Variants in NCOA2 observed in about 807,000 individuals in gnomAD.
The protein encoded by NCOA2 is nuclear receptor coactivator 2, also known as class E basic helix-loop-helix protein 75.
Under a neutral mutation model 145.1 loss-of-function variants are expected in NCOA2, and 21 were observed. That is an observed-to-expected ratio of 0.14 (90% confidence interval 0.10 to 0.21). The LOEUF (loss-of-function observed/expected upper bound fraction) is 0.21. Ranked by LOEUF, NCOA2 falls within the 10% of genes least tolerant of loss-of-function variation. NCOA2 has a pLI of 1.00. For missense variants in NCOA2, 1,472 were observed against 1,837.6 expected (o/e 0.80, Z 3.64); for synonymous variants, 619 against 637.5 (o/e 0.97, Z 0.44).
intron 4 of NCOA2, among the ~76,000 whole-genome samples, chr8:70,204,728 A>C (rs1429595821): frequency 6.6e-6 from 1 of 152,192 alleles, no homozygotes; most frequent in Admixed American, 6.5e-5. Context: ...GCGGTGGCTC[A>C]CGCCTGTAAT....
chr8:70,319,554 ATAAATAAATAAATAAAAGCTC>A (rs1474786089), intron 1 of NCOA2, among the ~76,000 whole-genome samples: 1 of 151,908 alleles, frequency 6.6e-6, no homozygotes, highest in Non-Finnish European at 1.5e-5. Flanking sequence ...AAATAAATAA[ATAAATAAATAAATAAAAGCTC>A]TATTTAGCTG....
intron 12 of NCOA2, among the ~76,000 whole-genome samples, chr8:70,145,331 C>CTTTCTTTTTTTCT (rs755821974): frequency 0.022 from 3,170 of 146,710 alleles, 136 homozygotes; most frequent in African/African-American, 0.067. Flanking sequence ...CTAATTTTTT[C>CTTTCTTTTTTTCT]TTTTTTTTTT....
At chr8:70,282,668 A>C in intron 2 of NCOA2, among the ~76,000 whole-genome samples, 1 of 151,214 alleles carries the variant, frequency 6.6e-6, no homozygotes, top group Non-Finnish European at 1.5e-5. Flanking sequence ...AGCCTGGGCA[A>C]AAAGAGCAAA....
intron 1 of NCOA2, among the ~76,000 whole-genome samples, chr8:70,351,252 G>T (rs1278888876): frequency 6.6e-6 from 1 of 152,110 alleles, no homozygotes; most frequent in Non-Finnish European, 1.5e-5. Flanking sequence ...ACCTTTATAT[G>T]AACATGATTG....
intron 2 of NCOA2, among the ~76,000 whole-genome samples, chr8:70,224,020 T>C (rs1307704938): frequency 6.6e-6 from 1 of 152,220 alleles, no homozygotes; most frequent in Non-Finnish European, 1.5e-5. Flanking sequence ...ACAGTGCATA[T>C]GTTAGAATCA....
chr8:70,252,821 T>C (rs577054053), intron 2 of NCOA2, among the ~76,000 whole-genome samples: 1 of 152,312 alleles, frequency 6.6e-6, no homozygotes, highest in East Asian at 1.9e-4. Context: ...TGTAGAGATG[T>C]TATATTCTGA....
chr8:70,384,232 T>C (rs924229997), intron 1 of NCOA2, among the ~76,000 whole-genome samples: 1 of 151,602 alleles, frequency 6.6e-6, no homozygotes, highest in Non-Finnish European at 1.5e-5. Flanking sequence ...TTTTGAAGCA[T>C]CTACTTACAG....
At chr8:70,170,878 C>T (rs1415896783) in intron 5 of NCOA2, among the ~76,000 whole-genome samples, 13 of 152,094 alleles carry the variant, frequency 8.5e-5, no homozygotes. Context: ...ACCTAGCTGT[C>T]ACGGATTATA....
intron 4 of NCOA2, among the ~76,000 whole-genome samples, chr8:70,197,070 T>G (rs1680053852): frequency 1.3e-5 from 2 of 152,208 alleles, no homozygotes. Flanking sequence ...TATGTATGAA[T>G]GCATTTACAT....
Position 70,402,797 on chromosome 8 carries a change from C to G in NCOA2, c.-77+903G>C, listed in dbSNP as rs563566336. Among the ~76,000 whole-genome samples the G allele has an allele frequency of 4.0e-5, 6 of 151,342 alleles. No homozygotes were observed. The South Asian group carries it at 1.0e-3, about 26-fold the overall frequency. ...CTCCCGCCCCCGGCCCCGGCCCCAG[C>G]GCGCCTCCTGCATACACGCCCGCAC... is the stretch of plus-strand genomic sequence containing the variant. On this transcript the variant is annotated intron_variant, in intron 1 of 22. Transcript: ENST00000452400.
chr8:70,292,811 A>G (rs1030834440), intron 2 of NCOA2, among the ~76,000 whole-genome samples: 7 of 152,218 alleles, frequency 4.6e-5, no homozygotes, highest in African/African-American at 1.7e-4. Flanking sequence ...GTTCACACTA[A>G]TGTGTGCACA....
intron 1 of NCOA2, among the ~76,000 whole-genome samples, chr8:70,319,325 T>G (rs1805861658): frequency 6.6e-6 from 1 of 152,140 alleles, no homozygotes; most frequent in African/African-American, 2.4e-5. Context: ...GCAGGTCGCT[T>G]GAGCCCAAGG....
chr8:70,126,344 T>A (rs555689570), intron 19 of NCOA2, among the ~76,000 whole-genome samples: 1 of 152,202 alleles, frequency 6.6e-6, no homozygotes, highest in African/African-American at 2.4e-5. Flanking sequence ...TCATTAATGA[T>A]CTGGTATAAT....
chr8:70,411,441 AAATT>A, the NCOA2 span, among the ~76,000 whole-genome samples: 84 of 152,374 alleles, frequency 5.5e-4, no homozygotes, highest in Admixed American at 2.6e-3. Flanking sequence ...CAATATAGAA[AAATT>A]AATTGTGTTA....
At chr8:70,393,440 T>C (rs1466400732) in intron 1 of NCOA2, among the ~76,000 whole-genome samples, 2 of 152,176 alleles carry the variant, frequency 1.3e-5, no homozygotes, top group Non-Finnish European at 2.9e-5. Flanking sequence ...TGCTGAGACT[T>C]GTCCCATCCT....
chr8:70,316,321 C>G (rs775149275), intron 1 of NCOA2, among the ~76,000 whole-genome samples: 58 of 152,292 alleles, frequency 3.8e-4, no homozygotes, highest in Non-Finnish European at 7.5e-4. Flanking sequence ...TTTAAAGGCA[C>G]TATGTTTTTA....
At chr8:70,436,901 G>A in the NCOA2 span, among the ~76,000 whole-genome samples, 6 of 152,340 alleles carry the variant, frequency 3.9e-5, no homozygotes, top group East Asian at 5.8e-4. Context: ...AGGGGATTGG[G>A]AAATGCATTT....
intron 4 of NCOA2, among the ~76,000 whole-genome samples, chr8:70,204,160 A>T (rs987633153): frequency 6.6e-6 from 1 of 152,116 alleles, no homozygotes; most frequent in African/African-American, 2.4e-5. Flanking sequence ...GGCGTGTGCC[A>T]CCATGCCAGG....
chr8:70,431,902 C>T, the NCOA2 span, among the ~76,000 whole-genome samples: 18,533 of 152,138 alleles, frequency 0.12, 1,235 homozygotes, highest in South Asian at 0.21. Flanking sequence ...AAGATACAGA[C>T]GTATTTTCAA....
Sources: allele counts gnomAD v4.1 joint callset (sites outside exome capture counted in the v4.1 genomes callset), GRCh38; gene constraint gnomAD v4.1.1; transcripts MANE v1.5; gene names NCBI Gene and HGNC (gene_info 2026-07-23, HGNC 2026-07-21).